ZFHX3: variants seen among roughly 807,000 people sequenced by gnomAD.
ZFHX3 encodes the protein zinc finger homeobox 3.
A neutral mutation model predicts 279.1 loss-of-function variants in ZFHX3; 42 were observed. The observed-to-expected ratio is 0.15, with a 90% confidence interval of 0.12 to 0.19. ZFHX3 has a LOEUF of 0.19. Ranked by LOEUF, ZFHX3 falls within the 10% of genes least tolerant of loss-of-function variation. The probability of loss-of-function intolerance (pLI) is 1.00; values close to 1 mark genes in which losing one functional copy is unlikely to be tolerated. For synonymous variants in ZFHX3, 2,293 were observed against 1,957.8 expected (o/e 1.17, Z -4.52); for missense variants, 4,981 against 4,754.0 (o/e 1.05, Z -1.40).
chr16:73,788,585 T>A (rs1392927263), intron 1 of ZFHX3, among the ~76,000 whole-genome samples: 1 of 152,180 alleles, frequency 6.6e-6, no homozygotes, highest in Non-Finnish European at 1.5e-5. Flanking sequence ...GAGGTTATGC[T>A]TTTTAGTATC....
At position 72,798,507 on chromosome 16, in the gene ZFHX3, G is replaced by A. The variant is rs1207124526; in HGVS notation, c.4175C>T (p.Pro1392Leu). ...NEVHAKRPQL[P>L]VSDRHVYKYR... ...CTTGTACACATGGCGATCTGACACC[G>A]GCAGCTGAGGCCTCTTGGCATGCAC... Residue 1392 changes from proline (P) to leucine (L), a missense_variant, in exon 9 of 10, where the codon CCG becomes CTG. Pro to Leu is a moderately conservative substitution (Grantham distance 98, BLOSUM62 -3). Transcript: ENST00000268489. 9 of 1,614,194 alleles carry A rather than the reference G, an allele frequency of 5.6e-6. No individual in the cohort carries two copies. The highest frequency in any genetic ancestry group is 2.2e-5 in the South Asian group (2 of 91,082).
chr16:73,541,484 C>CA (rs1488427998), intron 2 of ZFHX3, among the ~76,000 whole-genome samples: 2 of 150,610 alleles, frequency 1.3e-5, no homozygotes, highest in Non-Finnish European at 3.0e-5. Context: ...AGACTGGTCT[C>CA]AAAAAAATAA....
chr16:73,305,282 G>C (rs1241309348), intron 4 of ZFHX3, among the ~76,000 whole-genome samples: 4 of 152,058 alleles, frequency 2.6e-5, no homozygotes, highest in African/African-American at 9.7e-5. Context: ...ACTAGGTAAT[G>C]GTGTCAGATA....
intron 3 of ZFHX3, among the ~76,000 whole-genome samples, chr16:72,936,013 G>A (rs1001623799): frequency 3.3e-5 from 5 of 152,298 alleles, no homozygotes; most frequent in Admixed American, 6.5e-5. Flanking sequence ...CGAAACTCAC[G>A]GGTGGCCAGC....
chr16:73,822,051 C>T (rs1370032202), intron 1 of ZFHX3, among the ~76,000 whole-genome samples: 1 of 152,202 alleles, frequency 6.6e-6, no homozygotes, highest in East Asian at 1.9e-4. Flanking sequence ...ATTCCTGTCC[C>T]TTCCTGCAAT....
chr16:73,821,009 C>A (rs1246020927), intron 1 of ZFHX3, among the ~76,000 whole-genome samples: 1 of 152,092 alleles, frequency 6.6e-6, no homozygotes, highest in Non-Finnish European at 1.5e-5. Flanking sequence ...TCCCCCTTGA[C>A]AAATGATGGG....
intron 3 of ZFHX3, among the ~76,000 whole-genome samples, chr16:73,444,042 T>A (rs1462047053): frequency 6.6e-6 from 1 of 152,236 alleles, no homozygotes; most frequent in Non-Finnish European, 1.5e-5. Context: ...ATTACAGGCG[T>A]GAGCCACCAC....
In ZFHX3 at chr16:73,379,943, G is replaced by C. The variant is rs182615734; in HGVS notation, c.-1290-61607C>G. On this transcript the variant is annotated intron_variant, in intron 3 of 17. Transcript: ENST00000641206. ...CCACCAGAAATTTTGGAGACTAAAA[G>C]CACAGTAACTGTGAAACTCCTGGAG... Among the ~76,000 whole-genome samples, 6 of 152,294 alleles carry C rather than the reference G, an allele frequency of 3.9e-5. No individual in the cohort carries two copies. The South Asian group carries it at 1.2e-3, about 32-fold the overall frequency.
At chr16:73,590,284 T>C (rs952316011) in intron 2 of ZFHX3, among the ~76,000 whole-genome samples, 1 of 152,204 alleles carries the variant, frequency 6.6e-6, no homozygotes, top group South Asian at 2.1e-4. Context: ...AAGTCTAACA[T>C]CCAGATTGTG....
intron 8 of ZFHX3, among the ~76,000 whole-genome samples, chr16:73,090,211 T>C (rs554946626): frequency 6.6e-6 from 1 of 152,192 alleles, no homozygotes; most frequent in Non-Finnish European, 1.5e-5. Context: ...CTCTGCAACA[T>C]GGGGAAACCC....
At chr16:73,217,613 A>G (rs369152205) in intron 5 of ZFHX3, among the ~76,000 whole-genome samples, 3 of 152,170 alleles carry the variant, frequency 2.0e-5, no homozygotes, top group Non-Finnish European at 4.4e-5. Flanking sequence ...GTTACTTTTC[A>G]AAGGTAGCTA....
intron 1 of ZFHX3, among the ~76,000 whole-genome samples, chr16:73,851,594 A>G (rs1223057329): frequency 6.6e-6 from 1 of 152,240 alleles, no homozygotes; most frequent in African/African-American, 2.4e-5. Context: ...TATTTGGTAC[A>G]TATAAAATCT....
intron 1 of ZFHX3, chr16:73,816,057 G>A (rs1026073367): frequency 2.0e-5 from 3 of 152,082 alleles, no homozygotes; most frequent in Non-Finnish European, 4.4e-5. Context: ...AGACTGTATT[G>A]GACAGGAGAG....
chr16:73,033,785 A>G (rs932307716), intron 1 of ZFHX3, among the ~76,000 whole-genome samples: 2 of 152,108 alleles, frequency 1.3e-5, no homozygotes, highest in Non-Finnish European at 2.9e-5. Context: ...CCTAGAGGAG[A>G]GCCTCAAATC....
At chr16:73,663,996 C>G (rs377488796) in intron 2 of ZFHX3, among the ~76,000 whole-genome samples, 1 of 152,196 alleles carries the variant, frequency 6.6e-6, no homozygotes, top group Admixed American at 6.5e-5. Context: ...AGAGATGCAG[C>G]AGAGTAACTT....
At chr16:73,699,989 C>A (rs559110655) in intron 1 of ZFHX3, among the ~76,000 whole-genome samples, 137 of 152,160 alleles carry the variant, frequency 9.0e-4, no homozygotes, top group Non-Finnish European at 1.4e-3. Context: ...TTTGGGAGGC[C>A]AAGGCAGGAG....
At chr16:73,473,249 G>T (rs1308291700) in intron 2 of ZFHX3, among the ~76,000 whole-genome samples, 1 of 148,738 alleles carries the variant, frequency 6.7e-6, no homozygotes, top group Non-Finnish European at 1.5e-5. Context: ...AGGTGGGAGG[G>T]TCACTTGAGC....
rs1194146935 is a variant in ZFHX3, at chr16:72,788,236, G to A, written c.10040C>T (p.Ala3347Val). ...GMEGLFPYSP[A>V]LSQALMGLSP... ...CAGCCCCATCAGGGCCTGCGACAGT[G>A]CAGGGCTGTAGGGGAACAGGCCTTC... The change falls in exon 10 of 10, where the codon GCA (alanine) becomes GTA (valine). Residue 3347 changes from alanine (A) to valine (V), a missense_variant. Around this residue, in one of 7 missense-constraint regions of ZFHX3, gnomAD observed 1,034 missense variants for 786.0 expected, o/e 1.32. Transcript: ENST00000268489. 1 of 1,614,170 alleles carries A rather than the reference G, an allele frequency of 6.2e-7. No homozygotes were observed. The highest frequency in any genetic ancestry group is 1.7e-5 in the Admixed American group (1 of 60,034).
At chr16:73,077,310 A>C (rs1051786865) in intron 8 of ZFHX3, among the ~76,000 whole-genome samples, 1 of 152,338 alleles carries the variant, frequency 6.6e-6, no homozygotes, top group South Asian at 2.1e-4. Context: ...AAGTGATATA[A>C]GTTCCCAACA....
Sources: allele counts gnomAD v4.1 joint callset (sites outside exome capture counted in the v4.1 genomes callset), GRCh38; gene constraint gnomAD v4.1.1; regional missense constraint gnomAD v4.1.1; transcripts MANE v1.5; gene names NCBI Gene and HGNC (gene_info 2026-07-23, HGNC 2026-07-21).